Variants in ATXN1 observed in about 807,000 individuals in gnomAD.
ATXN1 encodes the protein ataxin 1.
Under a neutral mutation model 56.4 loss-of-function variants are expected in ATXN1, and 8 were observed. That is an observed-to-expected ratio of 0.14 (90% confidence interval 0.08 to 0.26). The LOEUF (loss-of-function observed/expected upper bound fraction) is 0.26. ATXN1 is among the 10% of genes least tolerant of loss of function. ATXN1 has a pLI of 1.00. For synonymous variants in ATXN1, 514 were observed against 494.6 expected (o/e 1.04, Z -0.52); for missense variants, 987 against 1,106.5 (o/e 0.89, Z 1.53).
intron 2 of ATXN1, among the ~76,000 whole-genome samples, chr6:16,671,313 T>C (rs1245081209): frequency 1.3e-5 from 2 of 150,890 alleles, no homozygotes; most frequent in Non-Finnish European, 1.5e-5. Flanking sequence ...TTCTTTCTTT[T>C]TTTTTTTTTT....
chr6:16,370,784 T>G (rs1762024800), intron 6 of ATXN1, among the ~76,000 whole-genome samples: 1 of 152,232 alleles, frequency 6.6e-6, no homozygotes, highest in South Asian at 2.1e-4. Flanking sequence ...TATAAACTAG[T>G]TTTTTAAAGC....
chr6:16,629,568 A>G (rs1465774613), intron 3 of ATXN1, among the ~76,000 whole-genome samples: 1 of 152,048 alleles, frequency 6.6e-6, no homozygotes, highest in East Asian at 1.9e-4. Flanking sequence ...TGACTTTGTG[A>G]TCTGCCCACC....
At chr6:16,431,770 A>C (rs1759288856) in intron 6 of ATXN1, among the ~76,000 whole-genome samples, 1 of 152,198 alleles carries the variant, frequency 6.6e-6, no homozygotes, top group Non-Finnish European at 1.5e-5. Flanking sequence ...CTTCGCCACT[A>C]TGCAACTGTG....
Position 16,300,951 on chromosome 6 carries a change from TAAC to T in ATXN1, c.*5375_*5377del, listed in dbSNP as rs1415767809. 1.3e-5 allele frequency: 2 copies of T among 152,562 alleles called. No individual in the cohort carries two copies. The highest frequency in any genetic ancestry group is 4.8e-5 in the African/African-American group (2 of 41,426). 9.5% of individuals were successfully genotyped at this position (152,562 alleles called of 1,614,324 possible). ...AGACGAGGGCTATATGTAACAAAAA[TAAC>T]AATAAGCATAGGTATAGTTTAAGAG... On this transcript the variant is annotated 3_prime_UTR_variant, in exon 8 of 8. Coordinates refer to ENST00000436367, the MANE Select transcript of ATXN1 (RefSeq NM_001128164.2).
At chr6:16,674,884 T>C (rs1402699132) in intron 2 of ATXN1, among the ~76,000 whole-genome samples, 2 of 152,212 alleles carry the variant, frequency 1.3e-5, no homozygotes, top group Non-Finnish European at 2.9e-5. Context: ...CAGCAAGTTT[T>C]TGCCAAGAAC....
chr6:16,653,630 C>A (rs551748590), intron 3 of ATXN1, among the ~76,000 whole-genome samples: 2 of 152,178 alleles, frequency 1.3e-5, no homozygotes, highest in African/African-American at 2.4e-5. Context: ...TAGTCAGGGG[C>A]TCCTGTCATT....
intron 6 of ATXN1, among the ~76,000 whole-genome samples, chr6:16,385,082 T>C (rs1758211057): frequency 6.6e-6 from 1 of 152,102 alleles, no homozygotes; most frequent in African/African-American, 2.4e-5. Context: ...CAGGAATGTG[T>C]GACTGCATGT....
chr6:16,357,718 C>T (rs925341436), intron 6 of ATXN1, among the ~76,000 whole-genome samples: 3 of 152,028 alleles, frequency 2.0e-5, no homozygotes, highest in South Asian at 2.1e-4. Flanking sequence ...ACTCAGGTAG[C>T]GACAATAAAC....
chr6:16,675,781 C>G (rs548359894), intron 2 of ATXN1, among the ~76,000 whole-genome samples: 1 of 151,834 alleles, frequency 6.6e-6, no homozygotes, highest in Non-Finnish European at 1.5e-5. Context: ...CCCAGCGACT[C>G]GGGAGGCTGA....
intron 6 of ATXN1, among the ~76,000 whole-genome samples, chr6:16,386,941 G>C (rs1280280557): frequency 6.6e-6 from 1 of 152,164 alleles, no homozygotes; most frequent in Non-Finnish European, 1.5e-5. Context: ...CAAAGTGCTA[G>C]GATTACAGGC....
intron 3 of ATXN1, among the ~76,000 whole-genome samples, chr6:16,643,083 A>C (rs1421342335): frequency 6.6e-6 from 1 of 152,096 alleles, no homozygotes; most frequent in Non-Finnish European, 1.5e-5. Context: ...CAGCCTCACC[A>C]ATATGGTGAA....
At chr6:16,684,864 T>G (rs1758884207) in intron 2 of ATXN1, among the ~76,000 whole-genome samples, 1 of 149,250 alleles carries the variant, frequency 6.7e-6, no homozygotes, top group South Asian at 2.1e-4. Flanking sequence ...TTTTTTTTTT[T>G]GAAGAATTAA....
intron 6 of ATXN1, among the ~76,000 whole-genome samples, chr6:16,448,795 G>A (rs1323840739): frequency 1.3e-5 from 2 of 152,156 alleles, no homozygotes; most frequent in African/African-American, 2.4e-5. Context: ...GTGTCTGGAC[G>A]TCCACACCAC....
intron 6 of ATXN1, among the ~76,000 whole-genome samples, chr6:16,427,376 C>T (rs1319270581): frequency 6.6e-6 from 1 of 152,158 alleles, no homozygotes. Context: ...TGCCAACTTG[C>T]CCACGGCGGA....
chr6:16,640,510 A>C (rs534816216), intron 3 of ATXN1, among the ~76,000 whole-genome samples: 4 of 152,072 alleles, frequency 2.6e-5, no homozygotes, highest in East Asian at 1.9e-4. Flanking sequence ...GGTGAAACTC[A>C]ATCTCTACTA....
chr6:16,377,040 T>C (rs895253179), intron 6 of ATXN1, among the ~76,000 whole-genome samples: 5 of 152,176 alleles, frequency 3.3e-5, no homozygotes, highest in African/African-American at 9.7e-5. Flanking sequence ...GTATCCCTCA[T>C]ATATGGGATT....
At chr6:16,449,204 C>T (rs543037517) in intron 6 of ATXN1, among the ~76,000 whole-genome samples, 1 of 152,254 alleles carries the variant, frequency 6.6e-6, no homozygotes, top group South Asian at 2.1e-4. Flanking sequence ...CACAAGTGAG[C>T]ACCCTAGTAC....
At chr6:16,711,473 A>C (rs1417602267) in intron 2 of ATXN1, among the ~76,000 whole-genome samples, 1 of 152,116 alleles carries the variant, frequency 6.6e-6, no homozygotes, top group East Asian at 1.9e-4. Flanking sequence ...CCAAACACTG[A>C]GAAAAAATTC....
At chr6:16,439,381 G>GGGGA (rs1759464928) in intron 6 of ATXN1, among the ~76,000 whole-genome samples, 1 of 12,750 alleles carries the variant, frequency 7.8e-5, no homozygotes. Context: ...GGCGGGGCGG[G>GGGGA]AATAAGGGTT....
Sources: allele counts gnomAD v4.1 joint callset (sites outside exome capture counted in the v4.1 genomes callset), GRCh38; gene constraint gnomAD v4.1.1; transcripts MANE v1.5; gene names NCBI Gene and HGNC (gene_info 2026-07-23, HGNC 2026-07-21).